The following LGR4 variants were observed in gnomAD, a reference collection of about 807,000 sequenced individuals.
LGR4 encodes leucine-rich repeat-containing G protein-coupled receptor 4.
Under a neutral mutation model 84.8 loss-of-function variants are expected in LGR4, and 44 were observed. That is an observed-to-expected ratio of 0.52 (90% confidence interval 0.41 to 0.67). LGR4 has a LOEUF of 0.67. LGR4 is among the 30% of genes least tolerant of loss of function. LGR4 has a pLI of 0.00. For synonymous variants in LGR4, 429 were observed against 434.3 expected (o/e 0.99, Z 0.15); for missense variants, 1,032 against 1,131.4 (o/e 0.91, Z 1.26).
intron 1 of LGR4, among the ~76,000 whole-genome samples, chr11:27,413,442 C>G (rs954356496): frequency 6.6e-6 from 1 of 152,098 alleles, no homozygotes; most frequent in African/African-American, 2.4e-5. Context: ...CCCTTAAGAG[C>G]GTCCGCAGAA....
At chr11:27,471,110 C>G (rs1322912039) in intron 1 of LGR4, among the ~76,000 whole-genome samples, 1 of 152,120 alleles carries the variant, frequency 6.6e-6, no homozygotes, top group African/African-American at 2.4e-5. Flanking sequence ...CACAAAAACC[C>G]TACCCTGTTC....
chr11:27,426,252 T>C (rs530406440), intron 1 of LGR4, among the ~76,000 whole-genome samples: 5 of 152,326 alleles, frequency 3.3e-5, no homozygotes, highest in South Asian at 2.1e-4. Flanking sequence ...ATTTCCTCCC[T>C]GTCTATTGCT....
Position 27,378,719 on chromosome 11 carries a change from C to T in LGR4, c.1021G>A (p.Glu341Lys). 6.2e-7 allele frequency: 1 copy of T among 1,611,698 alleles called. No individual in the cohort carries two copies. Reference protein sequence around the residue: ...ISSIPNNLCQEQKMLRTLDLS... With the variant: ...ISSIPNNLCQKQKMLRTLDLS... ...TACAAAGTCCTAAGCATCTTTTGTT[C>T]TTGACACAAATTATTAGGTATGCTG... Residue 341 changes from glutamate (E) to lysine (K), a missense_variant, in exon 11 of 18, where the codon GAA becomes AAA. Transcript: ENST00000379214.
intron 1 of LGR4, among the ~76,000 whole-genome samples, chr11:27,464,263 A>G (rs1202877969): frequency 6.6e-6 from 1 of 152,216 alleles, no homozygotes; most frequent in Non-Finnish European, 1.5e-5. Flanking sequence ...TCCTGAAAAT[A>G]TCTGGTCTGC....
At chr11:27,412,693 G>A (rs1437897856) in intron 2 of LGR4, 96 bp downstream of exon 2, 1 of 806,214 alleles carries the variant, frequency 1.2e-6, no homozygotes, top group Non-Finnish European at 2.2e-6. Context: ...CTATCAGAAT[G>A]TCTAACAGAA....
chr11:27,469,850 T>C (rs1257725228), intron 1 of LGR4, among the ~76,000 whole-genome samples: 3 of 152,198 alleles, frequency 2.0e-5, no homozygotes, highest in African/African-American at 7.2e-5. Flanking sequence ...AAAAAGACCC[T>C]AGGTGATCGC....
Position 27,368,165 on chromosome 11 carries a change from C to T in LGR4, c.2558G>A (p.Gly853Asp). 1.2e-6 allele frequency: 2 copies of T among 1,614,160 alleles called. No homozygotes were observed. Among genetic ancestry groups the T allele is most frequent in the East Asian group, 2.2e-5 (1 of 44,884 alleles). ...GCAGCAGTCGCAAACAGTCAGGTTG[C>T]CCTGCAAATGTGAGTACATGCCACA... ...YDCGMYSHLQ[G>D]NLTVCDCCES... Residue 853 changes from glycine to aspartate, a missense_variant, in exon 18 of 18, where the codon GGC (glycine) becomes GAC (aspartate). Gly to Asp is a moderately conservative substitution (Grantham distance 94). Coordinates refer to ENST00000379214, the MANE Select transcript of LGR4 (RefSeq NM_018490.5).
intron 1 of LGR4, among the ~76,000 whole-genome samples, chr11:27,417,362 G>A (rs969394886): frequency 2.0e-5 from 3 of 152,050 alleles, no homozygotes; most frequent in African/African-American, 7.2e-5. Flanking sequence ...CTCTCCCAAT[G>A]ACTTTTCCAG....
intron 2 of LGR4, among the ~76,000 whole-genome samples, chr11:27,402,171 C>T (rs531971164): frequency 6.6e-6 from 1 of 152,328 alleles, no homozygotes; most frequent in East Asian, 1.9e-4. Context: ...ACCAACTGGC[C>T]TTAACCCTTC....
intron 4 of LGR4, among the ~76,000 whole-genome samples, chr11:27,390,653 A>T (rs1863266696): frequency 6.6e-6 from 1 of 152,158 alleles, no homozygotes; most frequent in African/African-American, 2.4e-5. Flanking sequence ...TGTTTTGAAG[A>T]ATACTTTTTC....
At chr11:27,407,196 T>A (rs993194879) in intron 2 of LGR4, among the ~76,000 whole-genome samples, 3 of 152,120 alleles carry the variant, frequency 2.0e-5, no homozygotes, top group Non-Finnish European at 4.4e-5. Flanking sequence ...GAACTCCTTG[T>A]TCACAAATTT....
rs565485521 is a variant in LGR4, at chr11:27,366,333, TG to T, written c.*1533del. On this transcript the variant is annotated 3_prime_UTR_variant, in exon 18 of 18. Transcript: ENST00000379214. ...AATGTACAACAAAGACTATTTACAA[TG>T]CAAAAAGTATATAAACCACAATTTA... 1.5e-4 allele frequency: 23 copies of T among 152,668 alleles called. No individual in the cohort carries two copies. The highest frequency in any genetic ancestry group is 1.0e-3 in the Admixed American group (16 of 15,296). The allele number at this position is 152,668 out of a possible 1,614,324, so 9.5% of individuals were successfully genotyped here.
chr11:27,405,345 A>C (rs925826988), intron 2 of LGR4, among the ~76,000 whole-genome samples: 4 of 151,892 alleles, frequency 2.6e-5, no homozygotes, highest in African/African-American at 9.7e-5. Context: ...ACCCTGATTC[A>C]AGTGTTTCCC....
chr11:27,408,478 A>G (rs1565082888), intron 2 of LGR4, among the ~76,000 whole-genome samples: 1 of 152,122 alleles, frequency 6.6e-6, no homozygotes, highest in Non-Finnish European at 1.5e-5. Flanking sequence ...CAGCCACAGC[A>G]ATTTTTTCAG....
chr11:27,396,485 G>A (rs935985566), intron 2 of LGR4, among the ~76,000 whole-genome samples: 1 of 152,200 alleles, frequency 6.6e-6, no homozygotes. Context: ...TAAACTCAGT[G>A]AGACTTAGTT....
Position 27,382,234 on chromosome 11 carries a change from C to T in LGR4, c.712G>A (p.Gly238Arg). ...GCTTTAATAGCCTGAGGAAATTCCC[C>T]CAAGTTATTATAATTCAAGTCTCTA... Reference protein sequence around the residue: ...ETLDLNYNNLGEFPQAIKALP... With the variant: ...ETLDLNYNNLREFPQAIKALP... Residue 238 changes from glycine to arginine, a missense_variant, in exon 7 of 18, where the codon GGG becomes AGG. Transcript: ENST00000379214. 6.2e-7 allele frequency: 1 copy of T among 1,608,104 alleles called. No homozygotes were observed. Among genetic ancestry groups the T allele is most frequent in the South Asian group, 1.1e-5 (1 of 90,842 alleles).
chr11:27,373,884 G>T, intron 14 of LGR4, 91 bp downstream of exon 14: 1 of 1,120,228 alleles, frequency 8.9e-7, no homozygotes, highest in Non-Finnish European at 1.3e-6. Context: ...TAACTAAACA[G>T]AAAAATATTT....
At chr11:27,385,958 T>A (rs1375555075) in intron 4 of LGR4, among the ~76,000 whole-genome samples, 1 of 152,186 alleles carries the variant, frequency 6.6e-6, no homozygotes, top group African/African-American at 2.4e-5. Context: ...AATTTTTGTA[T>A]AGCAATAAAG....
At position 27,366,238 on chromosome 11, in the gene LGR4, A is replaced by G. The variant is rs1325211230; in HGVS notation, c.*1629T>C. ...TACAAAATTACAACACACTGTAAATAAATCCTTCCCACATTTTATACAAAC... is the reference window on the plus strand; with the variant it reads ...TACAAAATTACAACACACTGTAAATGAATCCTTCCCACATTTTATACAAAC... On this transcript the variant is annotated 3_prime_UTR_variant, in exon 18 of 18. Coordinates refer to ENST00000379214, the MANE Select transcript of LGR4 (RefSeq NM_018490.5). 1 of 152,592 alleles carries G rather than the reference A, an allele frequency of 6.6e-6. No individual in the cohort carries two copies. The highest frequency in any genetic ancestry group is 1.9e-4 in the East Asian group (1 of 5,206). The allele number at this position is 152,592 out of a possible 1,614,324, so 9.5% of individuals were successfully genotyped here.
Sources: allele counts gnomAD v4.1 joint callset (sites outside exome capture counted in the v4.1 genomes callset), GRCh38; gene constraint gnomAD v4.1.1; transcripts MANE v1.5; gene names NCBI Gene and HGNC (gene_info 2026-07-23, HGNC 2026-07-21).